Variants in AIMP2 observed in about 807,000 individuals in gnomAD.
The protein encoded by AIMP2 is aminoacyl tRNA synthetase complex interacting multifunctional protein 2, also known as aminoacyl tRNA synthase complex-interacting multifunctional protein 2.
In AIMP2, 20 loss-of-function variants were observed where a neutral mutation model predicts 23.4. The ratio of observed to expected loss-of-function variants is 0.85; its 90% confidence interval spans 0.60 to 1.24. AIMP2 has a LOEUF of 1.24. AIMP2 is among the 50% of genes most tolerant of loss of function. AIMP2 has a pLI of 0.00. For missense variants in AIMP2, 515 were observed against 414.5 expected, an observed-to-expected ratio of 1.24 and a Z score of -2.10; for synonymous variants, 210 against 170.4, an observed-to-expected ratio of 1.23 and a Z score of -1.81.
chr7:6,015,162 C>G lies in AIMP2; in HGVS notation c.152C>G (p.Ser51Cys), dbSNP rs752636335. 6.2e-7 allele frequency: 1 copy of G among 1,614,164 alleles called. No individual in the cohort carries two copies. The highest frequency in any genetic ancestry group is 1.1e-5 in the South Asian group (1 of 91,078). ...AGHVQEESNL[S>C]LQALESRQDD... is the part of the protein sequence containing the mutation. The stretch of plus-strand genomic sequence containing the variant: ...TTTGTTTAGGAAGAGTCTAACCTGT[C>G]TCTGCAAGCTCTTGAGTCCCGCCAA... The change falls in exon 2 of 4, where the codon TCT becomes TGT. Residue 51 changes from serine to cysteine, a missense_variant. Ser to Cys is a moderately radical substitution (Grantham distance 112). Transcript: ENST00000223029.
intron 3 of AIMP2, among the ~76,000 whole-genome samples, chr7:6,020,520 T>C (rs1787328357): frequency 6.6e-6 from 1 of 152,230 alleles, no homozygotes; most frequent in South Asian, 2.1e-4. Context: ...GCAAAGTCAT[T>C]ATATGACAAC....
Position 6,018,056 on chromosome 7 carries a change from G to C in AIMP2, c.574+11G>C. On this transcript the variant is annotated intron_variant, in intron 3 of 3. Transcript: ENST00000223029. ...TAATTTGGAAGAATGGTAAGTAGACGGGACTGAGTTCAACTTACACACAGC... is the reference window on the plus strand; with the variant it reads ...TAATTTGGAAGAATGGTAAGTAGACCGGACTGAGTTCAACTTACACACAGC... 3.1e-6 allele frequency: 5 copies of C among 1,603,424 alleles called. No individual in the cohort carries two copies. Among genetic ancestry groups the C allele is most frequent in the Middle Eastern group, 1.7e-4 (1 of 6,048 alleles).
chr7:6,011,838 T>G (rs1189927597), intron 1 of AIMP2, among the ~76,000 whole-genome samples: 1 of 152,220 alleles, frequency 6.6e-6, no homozygotes, highest in Admixed American at 6.5e-5. Context: ...GAGTCTGTTT[T>G]ATTTGTTTTT....
intron 3 of AIMP2, chr7:6,022,589 G>A (rs1250629230): frequency 6.6e-6 from 1 of 152,246 alleles, no homozygotes; most frequent in African/African-American, 2.4e-5. Flanking sequence ...TAGAAAGCCT[G>A]TGGGATAGTT....
chr7:6,023,403 T>C lies in AIMP2; in HGVS notation c.675T>C (p.His225=). Residue 225 remains histidine (H), a synonymous_variant, in exon 4 of 4, where the codon CAT becomes CAC. Coordinates refer to ENST00000223029, the MANE Select transcript of AIMP2 (RefSeq NM_006303.4). ...TGTTCTCTCTGTTTGGCCAGAAGCA[T>C]AATGCTGTCAACGCAACCCTTATAG... ...RFLFSLFGQK[H]NAVNATLIDS... 6.2e-7 allele frequency: 1 copy of C among 1,614,216 alleles called. No homozygotes were observed.
intron 3 of AIMP2, among the ~76,000 whole-genome samples, chr7:6,018,359 A>C (rs1197399450): frequency 2.7e-5 from 4 of 150,136 alleles, no homozygotes. Context: ...TATATTGGTC[A>C]GGCTGGTCTC....
chr7:6,019,488 A>G (rs1787246911), intron 3 of AIMP2, among the ~76,000 whole-genome samples: 1 of 146,556 alleles, frequency 6.8e-6, no homozygotes, highest in Admixed American at 6.7e-5. Flanking sequence ...CCGTCTCAAA[A>G]AAAAAAAAAA....
At chr7:6,011,412 CT>C (rs1786681531) in intron 1 of AIMP2, among the ~76,000 whole-genome samples, 1 of 152,186 alleles carries the variant, frequency 6.6e-6, no homozygotes, top group Non-Finnish European at 1.5e-5. Context: ...TTCATATTCA[CT>C]GGCCGCTGTG....
chr7:6,020,894 G>A (rs1308097832), intron 3 of AIMP2, among the ~76,000 whole-genome samples: 5 of 152,116 alleles, frequency 3.3e-5, no homozygotes, highest in Admixed American at 6.6e-5. Flanking sequence ...ATGATCAGGC[G>A]AGCTCTTACC....
At chr7:6,016,670 T>C (rs2128878808) in intron 2 of AIMP2, among the ~76,000 whole-genome samples, 1 of 152,222 alleles carries the variant, frequency 6.6e-6, no homozygotes, top group East Asian at 1.9e-4. Flanking sequence ...TGAATTTTGA[T>C]ACCTCAGAAG....
chr7:6,011,882 G>T (rs916050580), intron 1 of AIMP2, among the ~76,000 whole-genome samples: 4 of 152,106 alleles, frequency 2.6e-5, no homozygotes, highest in Admixed American at 2.0e-4. Flanking sequence ...GGGTTTTTGT[G>T]AACTTAGAGG....
intron 1 of AIMP2, 36 bp downstream of exon 1, chr7:6,009,534 G>T: frequency 7.2e-7 from 1 of 1,395,428 alleles, no homozygotes; most frequent in African/African-American, 1.5e-5. Flanking sequence ...GTGCGCACGC[G>T]CGGCGACCGG....
intron 3 of AIMP2, among the ~76,000 whole-genome samples, chr7:6,022,021 A>G (rs1400900092): frequency 6.6e-6 from 1 of 152,164 alleles, no homozygotes; most frequent in African/African-American, 2.4e-5. Flanking sequence ...ACATGAGGAC[A>G]GTGGGATGAA....
intron 1 of AIMP2, among the ~76,000 whole-genome samples, chr7:6,014,087 C>G (rs1026044456): frequency 2.8e-4 from 43 of 152,104 alleles, no homozygotes; most frequent in African/African-American, 9.9e-4. Flanking sequence ...CAGTTACATT[C>G]TCATTGCTAC....
Position 6,009,302 on chromosome 7 carries a change from C to T in AIMP2, c.-62C>T, listed in dbSNP as rs1042045384. 3.1e-5 allele frequency: 50 copies of T among 1,610,634 alleles called. No homozygotes were observed. The African/African-American group carries it at 5.3e-4, about 17-fold the overall frequency. ...GGAGGTGGCCGGTCTCCGTCGTGAC[C>T]TCTGACGGTTTCTGAGCGTTGGCCT... On this transcript the variant is annotated 5_prime_UTR_variant, in exon 1 of 4. Coordinates refer to ENST00000223029, the MANE Select transcript of AIMP2 (RefSeq NM_006303.4).
intron 1 of AIMP2, among the ~76,000 whole-genome samples, chr7:6,014,360 C>T (rs542026192): frequency 2.1e-5 from 3 of 145,914 alleles, no homozygotes; most frequent in South Asian, 2.2e-4. Flanking sequence ...CGGGTTCAAG[C>T]GATTCTCCTG....
intron 1 of AIMP2, among the ~76,000 whole-genome samples, chr7:6,014,344 G>T (rs770042325): frequency 6.5e-5 from 8 of 123,026 alleles, no homozygotes; most frequent in African/African-American, 1.2e-4. Context: ...TGCAACCCCC[G>T]CCTCCCGGGT....
At chr7:6,020,324 G>C (rs1470323122) in intron 3 of AIMP2, among the ~76,000 whole-genome samples, 2 of 151,998 alleles carry the variant, frequency 1.3e-5, no homozygotes, top group African/African-American at 4.8e-5. Context: ...AGGAGACTGA[G>C]ACAGGAGAAT....
At position 6,018,060 on chromosome 7, in the gene AIMP2, C is replaced by G. The variant is rs1338527772; in HGVS notation, c.574+15C>G. The G allele has an allele frequency of 6.3e-7, 1 of 1,594,844 alleles. No homozygotes were observed. Among genetic ancestry groups the G allele is most frequent in the Admixed American group, 1.7e-5 (1 of 58,898 alleles). On this transcript the variant is annotated intron_variant, in intron 3 of 3. Transcript: ENST00000223029. ...TTGGAAGAATGGTAAGTAGACGGGA[C>G]TGAGTTCAACTTACACACAGCTGCC...
Sources: allele counts gnomAD v4.1 joint callset (sites outside exome capture counted in the v4.1 genomes callset), GRCh38; gene constraint gnomAD v4.1.1; transcripts MANE v1.5; gene names NCBI Gene and HGNC (gene_info 2026-07-23, HGNC 2026-07-21).